Variants in RAP1GAP observed in about 807,000 individuals in gnomAD.
RAP1GAP encodes the protein rap1 GTPase-activating protein 1.
Under a neutral mutation model 87.2 loss-of-function variants are expected in RAP1GAP, and 35 were observed. The ratio of observed to expected loss-of-function variants is 0.40; its 90% CI spans 0.31 to 0.53. The LOEUF is 0.53. Among genes scored for constraint, RAP1GAP ranks in the 20% least tolerant of loss-of-function variants. RAP1GAP has a pLI of 0.48. For synonymous variants in RAP1GAP, 375 were observed against 363.9 expected, an observed-to-expected ratio of 1.03 and a Z score of -0.35; for missense variants, 734 against 898.9, an observed-to-expected ratio of 0.82 and a Z score of 2.35.
rs773935568 is a variant in RAP1GAP, at chr1:21,651,781, G to A, written c.-148-1985C>T. 4.2e-6 allele frequency: 6 copies of A among 1,415,368 alleles called. No homozygotes were observed. In the South Asian group the frequency reaches 5.5e-5, roughly 13 times the overall value. 87.7% of individuals were successfully genotyped at this position (1,415,368 alleles called of 1,614,324 possible). A position where few individuals can be genotyped will look rare whatever the true frequency, so the allele number is the denominator to read the frequency against. On this transcript the variant is annotated intron_variant, in intron 1 of 24. Coordinates refer to ENST00000374765, the MANE Select transcript of RAP1GAP (RefSeq NM_002885.4). ...CCCCGCGCCGCGCCACGCCCTACCC[G>A]CCGTAGGCCCCGAAGGTGAAGCTGC...
chr1:21,651,816 C>A, intron 1 of RAP1GAP: 1 of 1,286,736 alleles, frequency 7.8e-7, no homozygotes, highest in Non-Finnish European at 9.9e-7. Context: ...CGCTTCCGGC[C>A]GCTCATGGTG....
intron 1 of RAP1GAP, among the ~76,000 whole-genome samples, chr1:21,650,107 C>A (rs2096442657): frequency 6.6e-6 from 1 of 151,908 alleles, no homozygotes; most frequent in Admixed American, 6.6e-5. Flanking sequence ...GTGACTACAG[C>A]AGCTTGGATC....
chr1:21,611,589 G>A lies in RAP1GAP; in HGVS notation c.714-8C>T, dbSNP rs145753882. ...TCCAGGCCTCCTCGGAACCTGCCCC[G>A]GGGCCCCCCAGGCCACGCCTCAGTC... is the stretch of plus-strand genomic sequence containing the variant. On this transcript the variant is annotated splice_polypyrimidine_tract_variant and splice_region_variant and intron_variant, in intron 12 of 24. Transcript: ENST00000374765. 5.5e-5 allele frequency: 89 copies of A among 1,613,978 alleles called. No individual in the cohort carries two copies. Among genetic ancestry groups the A allele is most frequent in the Middle Eastern group, 3.3e-4 (2 of 6,062 alleles).
chr1:21,663,585 C>T (rs983705939), intron 1 of RAP1GAP, among the ~76,000 whole-genome samples: 1 of 152,204 alleles, frequency 6.6e-6, no homozygotes, highest in Non-Finnish European at 1.5e-5. Context: ...GCCACCTCCA[C>T]CCTACCCCTC....
At chr1:21,626,161 C>A in intron 3 of RAP1GAP, 143 bp downstream of exon 3, 1 of 703,298 alleles carries the variant, frequency 1.4e-6, no homozygotes, top group East Asian at 2.8e-5. Flanking sequence ...GGAGTGGCAA[C>A]CCCTTAGGAG....
intron 2 of RAP1GAP, among the ~76,000 whole-genome samples, chr1:21,645,138 A>G (rs1041734536): frequency 6.6e-6 from 1 of 152,178 alleles, no homozygotes; most frequent in African/African-American, 2.4e-5. Context: ...CCTGGCCTAC[A>G]GTACGTGTTC....
rs577918381 is a variant in RAP1GAP at position 21,669,208 on chromosome 1, T to A, written c.-149+46A>T. On this transcript the variant is annotated intron_variant, in intron 1 of 24. Coordinates refer to ENST00000374765, the MANE Select transcript of RAP1GAP (RefSeq NM_002885.4). The surrounding 1 kb of genome is among the most constrained non-coding windows in gnomAD (Gnocchi z 5.6). ...GCCGACGGGAGTCTGGACACCTCTG[T>A]CCCCTTCCCCTTTCCAGGGCCGCAG... is the stretch of plus-strand genomic sequence containing the variant. 98 of 1,250,698 alleles carry A rather than the reference T, an allele frequency of 7.8e-5. 2 individuals carry two copies. The South Asian group carries it at 8.2e-4, about 10-fold the overall frequency. The allele number at this position is 1,250,698 out of a possible 1,614,324, so 77.5% of individuals were successfully genotyped here.
At position 21,601,743 on chromosome 1, in the gene RAP1GAP, C is replaced by A. The variant is rs1329585677; in HGVS notation, c.1593G>T (p.Glu531Asp). The A allele has an allele frequency of 6.2e-7, 1 of 1,612,204 alleles. No individual in the cohort carries two copies. Among genetic ancestry groups the A allele is most frequent in the Non-Finnish European group, 8.5e-7 (1 of 1,178,792 alleles). Residue 531 changes from glutamate to aspartate, a missense_variant, in exon 20 of 25, where the codon GAG becomes GAT. By Grantham distance (45) the Glu-to-Asp change is conservative (BLOSUM62 2). Transcript: ENST00000374765. ...GAGTGGATGAGTTCTCCGACTTGGGCTCCTGTGAGACGTGCCCGCTGTCTG... is the reference window on the plus strand; with the variant it reads ...GAGTGGATGAGTTCTCCGACTTGGGATCCTGTGAGACGTGCCCGCTGTCTG... ...KTPDSGHVSQ[E>D]PKSENSSTQS...
At chr1:21,645,307 A>G (rs1346978674) in intron 2 of RAP1GAP, among the ~76,000 whole-genome samples, 1 of 151,976 alleles carries the variant, frequency 6.6e-6, no homozygotes, top group Non-Finnish European at 1.5e-5. Flanking sequence ...TCGAAGTCTC[A>G]GCCTCTCTTA....
At chr1:21,624,013 G>A (rs2090521662) in intron 3 of RAP1GAP, among the ~76,000 whole-genome samples, 1 of 152,212 alleles carries the variant, frequency 6.6e-6, no homozygotes, top group Admixed American at 6.5e-5. Context: ...GGGAATTTGT[G>A]TTTGTACATG....
At chr1:21,641,500 C>G (rs2095520424) in intron 2 of RAP1GAP, among the ~76,000 whole-genome samples, 1 of 152,212 alleles carries the variant, frequency 6.6e-6, no homozygotes, top group South Asian at 2.1e-4. Context: ...CATTACCCAT[C>G]TGAAGCTACC....
chr1:21,638,576 CCTCTTT>C (rs1382199498), intron 2 of RAP1GAP, among the ~76,000 whole-genome samples: 1 of 152,080 alleles, frequency 6.6e-6, no homozygotes, highest in Non-Finnish European at 1.5e-5. Flanking sequence ...GTCTGTCCGT[CCTCTTT>C]CTCTTTAAAC....
At chr1:21,657,011 T>C (rs557049443) in intron 1 of RAP1GAP, among the ~76,000 whole-genome samples, 1 of 152,346 alleles carries the variant, frequency 6.6e-6, no homozygotes, top group South Asian at 2.1e-4. Context: ...ATTCAGACAC[T>C]GGCGATAGAG....
intron 2 of RAP1GAP, among the ~76,000 whole-genome samples, chr1:21,639,712 G>A (rs894468413): frequency 1.3e-5 from 2 of 152,220 alleles, no homozygotes; most frequent in African/African-American, 4.8e-5. Flanking sequence ...GATGTGGAGT[G>A]AGCAAGGATC....
chr1:21,619,688 C>A (rs901542975), intron 4 of RAP1GAP, among the ~76,000 whole-genome samples: 5 of 152,028 alleles, frequency 3.3e-5, no homozygotes, highest in African/African-American at 4.8e-5. Flanking sequence ...CCACCTGGGC[C>A]CCCCACCACA....
intron 1 of RAP1GAP, among the ~76,000 whole-genome samples, chr1:21,660,349 T>A (rs2788641): frequency 0.47 from 28,717 of 60,534 alleles, 7,545 homozygotes; most frequent in East Asian, 0.67. Context: ...CTATATATAT[T>A]TATTGAGACA....
At chr1:21,608,165 C>T (rs1570581275) in intron 17 of RAP1GAP, 48 bp downstream of exon 17, 1 of 1,603,828 alleles carries the variant, frequency 6.2e-7, no homozygotes, top group East Asian at 2.2e-5. Flanking sequence ...GGGATTCCGC[C>T]CTAGCCACGT....
At position 21,598,035 on chromosome 1, in the gene RAP1GAP, C is replaced by T. The variant is rs777993196; in HGVS notation, c.1909G>A (p.Gly637Ser). ...GGACACGCAGGGTCCCCCAACTTGC[C>T]GGCGTCTGGGTGGGGTGATCGAGAG... is the stretch of plus-strand genomic sequence containing the variant. ...GPSRSPHPDAGKLGDPACPEI... is the reference protein window; with the variant it reads ...GPSRSPHPDASKLGDPACPEI... Residue 637 changes from glycine (G) to serine (S), a missense_variant, in exon 23 of 25, where the codon GGC (glycine) becomes AGC (serine). Around this residue, in one of 2 missense-constraint regions of RAP1GAP, gnomAD observed 249 missense variants for 252.7 expected, o/e 0.99. Coordinates refer to ENST00000374765, the MANE Select transcript of RAP1GAP (RefSeq NM_002885.4). The T allele has an allele frequency of 9.1e-6, 14 of 1,543,908 alleles. No homozygotes were observed. Among genetic ancestry groups the T allele is most frequent in the South Asian group, 1.2e-5 (1 of 86,424 alleles).
intron 2 of RAP1GAP, among the ~76,000 whole-genome samples, chr1:21,645,735 G>A (rs2095988827): frequency 1.3e-5 from 2 of 152,134 alleles, no homozygotes; most frequent in African/African-American, 2.4e-5. Flanking sequence ...GCTGCCCGTC[G>A]GGGGCCTGCC....
Sources: gnomAD v4.1 joint callset for allele counts (sites outside exome capture counted in the v4.1 genomes callset) on GRCh38, gnomAD v4.1.1 for gene constraint, gnomAD v4.1.1 regional missense constraint, Gnocchi (gnomAD v3.1) non-coding constraint, MANE v1.5 for transcripts, NCBI Gene and HGNC (gene_info 2026-07-23, HGNC 2026-07-21) for gene names.